ADCY1: variants seen among roughly 807,000 people sequenced by gnomAD.
ADCY1 encodes adenylate cyclase 1.
In ADCY1, 28 loss-of-function variants were observed where a neutral mutation model predicts 105.4. The observed-to-expected ratio is 0.27, with a 90% CI of 0.20 to 0.36. ADCY1 has a LOEUF of 0.36. ADCY1 is among the 10% of genes least tolerant of loss of function. The pLI, the probability that ADCY1 is intolerant of heterozygous loss-of-function variation, is 1.00. For synonymous variants in ADCY1, 655 were observed against 623.8 expected (o/e 1.05, Z -0.75); for missense variants, 977 against 1,434.2 (o/e 0.68, Z 5.15).
chr7:45,688,160 G>A (rs1198935810), intron 14 of ADCY1, among the ~76,000 whole-genome samples: 1 of 152,244 alleles, frequency 6.6e-6, no homozygotes, highest in Non-Finnish European at 1.5e-5. Flanking sequence ...GGCATCAGGT[G>A]GTCCTCGTCC....
At chr7:45,610,029 G>T (rs534343581) in intron 2 of ADCY1, among the ~76,000 whole-genome samples, 1 of 152,156 alleles carries the variant, frequency 6.6e-6, no homozygotes, top group Non-Finnish European at 1.5e-5. Flanking sequence ...ACTCTTTCTG[G>T]GATATTGTTG....
At chr7:45,626,955 GAGATGCTCCAATGTGAGC>G in intron 4 of ADCY1, among the ~76,000 whole-genome samples, 1 of 152,314 alleles carries the variant, frequency 6.6e-6, no homozygotes. Context: ...GGGCCAGAAG[GAGATGCTCCAATGTGAGC>G]AGATGCAGGC....
chr7:45,633,828 C>T (rs1031901506), intron 4 of ADCY1, among the ~76,000 whole-genome samples: 1 of 147,786 alleles, frequency 6.8e-6, no homozygotes, highest in Admixed American at 6.7e-5. Flanking sequence ...AAAGTAATAG[C>T]AAAAACCGTA....
intron 3 of ADCY1, among the ~76,000 whole-genome samples, chr7:45,614,022 T>TAC (rs1793663401): frequency 1.3e-5 from 2 of 152,198 alleles, no homozygotes; most frequent in Non-Finnish European, 2.9e-5. Flanking sequence ...AAGGAGTTCT[T>TAC]ACATTGAAAT....
intron 5 of ADCY1, among the ~76,000 whole-genome samples, chr7:45,651,558 G>A (rs369658378): frequency 7.2e-5 from 11 of 152,124 alleles, no homozygotes; most frequent in Admixed American, 1.3e-4. Flanking sequence ...ACCTTTCCCC[G>A]CAGGGCTCCA....
intron 2 of ADCY1, among the ~76,000 whole-genome samples, chr7:45,607,026 A>G (rs1793393903): frequency 6.6e-6 from 1 of 151,834 alleles, no homozygotes; most frequent in Admixed American, 6.6e-5. Flanking sequence ...TTAATCAGAA[A>G]TGAATGCTGA....
At chr7:45,690,746 T>G (rs1016460436) in intron 14 of ADCY1, among the ~76,000 whole-genome samples, 1 of 152,258 alleles carries the variant, frequency 6.6e-6, no homozygotes, top group African/African-American at 2.4e-5. Context: ...GAAAAGAGCC[T>G]CTTTATGATG....
chr7:45,707,951 C>A (rs1296006251), intron 17 of ADCY1, among the ~76,000 whole-genome samples: 2 of 152,248 alleles, frequency 1.3e-5, no homozygotes, highest in African/African-American at 4.8e-5. Context: ...TTGTCACACA[C>A]ATACATGACG....
chr7:45,653,808 G>A (rs1194703420), intron 5 of ADCY1, among the ~76,000 whole-genome samples: 1 of 152,044 alleles, frequency 6.6e-6, no homozygotes, highest in East Asian at 1.9e-4. Context: ...TGAGTATTAG[G>A]TCACCCTAGG....
chr7:45,712,343 C>T (rs1785277355), intron 19 of ADCY1, among the ~76,000 whole-genome samples: 1 of 150,544 alleles, frequency 6.6e-6, no homozygotes, highest in Non-Finnish European at 1.5e-5. Context: ...CAGGGGAGAA[C>T]TTCATGGGAG....
At chr7:45,596,981 G>A (rs1793092232) in intron 2 of ADCY1, among the ~76,000 whole-genome samples, 1 of 152,194 alleles carries the variant, frequency 6.6e-6, no homozygotes, top group Admixed American at 6.5e-5. Context: ...ATAACTCAGA[G>A]GCACTGTGGT....
intron 8 of ADCY1, among the ~76,000 whole-genome samples, chr7:45,671,922 C>T (rs1784375508): frequency 6.6e-6 from 1 of 152,060 alleles, no homozygotes; most frequent in Admixed American, 6.5e-5. Context: ...TGTTCTGTTT[C>T]ACAGAACAGA....
At chr7:45,595,032 T>C (rs1207770263) in intron 2 of ADCY1, among the ~76,000 whole-genome samples, 1 of 152,248 alleles carries the variant, frequency 6.6e-6, no homozygotes, top group Non-Finnish European at 1.5e-5. Flanking sequence ...GTGTTCTCAG[T>C]GTCTGACATT....
At chr7:45,625,517 G>T (rs572445435) in intron 4 of ADCY1, among the ~76,000 whole-genome samples, 47 of 152,190 alleles carry the variant, frequency 3.1e-4, no homozygotes, top group Admixed American at 2.6e-3. Flanking sequence ...GTGAACATGG[G>T]TGTGCATGTG....
intron 2 of ADCY1, among the ~76,000 whole-genome samples, chr7:45,599,042 G>A (rs1562681171): frequency 6.6e-6 from 1 of 152,204 alleles, no homozygotes; most frequent in South Asian, 2.1e-4. Flanking sequence ...GAGGGGCAGG[G>A]CATGCTGCCT....
intron 2 of ADCY1, among the ~76,000 whole-genome samples, chr7:45,596,154 C>T (rs527565339): frequency 1.0e-4 from 16 of 152,386 alleles, no homozygotes; most frequent in Middle Eastern, 3.4e-3. Context: ...CAGCATGAAA[C>T]GCCAGTCTCC....
At chr7:45,658,708 A>G (rs1315440885) in intron 6 of ADCY1, among the ~76,000 whole-genome samples, 2 of 152,246 alleles carry the variant, frequency 1.3e-5, no homozygotes, top group Non-Finnish European at 2.9e-5. Flanking sequence ...AGCTGAACAC[A>G]GGAATGCACA....
intron 12 of ADCY1, among the ~76,000 whole-genome samples, chr7:45,685,761 C>T (rs1477075432): frequency 6.6e-6 from 1 of 152,200 alleles, no homozygotes. Context: ...TCCCTGGAGC[C>T]TCTTGCCTGC....
chr7:45,710,479 A>G lies in ADCY1; in HGVS notation c.2933-49A>G. 1 of 1,596,606 alleles carries G rather than the reference A, an allele frequency of 6.3e-7. No homozygotes were observed. The highest frequency in any genetic ancestry group is 8.5e-7 in the Non-Finnish European group (1 of 1,170,434). ...TGCATTTGGTGGCCCTGGTGGGGTG[A>G]GTTACACTTTTCCCGCTGATGACAG... On this transcript the variant is annotated intron_variant, in intron 18 of 19. Coordinates refer to ENST00000297323, the MANE Select transcript of ADCY1 (RefSeq NM_021116.4). This position sits in a 1 kb window ranked among gnomAD's most constrained non-coding sequence, Gnocchi z 4.7.
Sources: allele counts gnomAD v4.1 joint callset (sites outside exome capture counted in the v4.1 genomes callset), GRCh38; gene constraint gnomAD v4.1.1; non-coding constraint Gnocchi (gnomAD v3.1); transcripts MANE v1.5; gene names NCBI Gene and HGNC (gene_info 2026-07-23, HGNC 2026-07-21).